The following CADM1 variants were observed in gnomAD, a reference collection of about 807,000 sequenced individuals.
CADM1 encodes cell adhesion molecule 1.
CADM1 carries 15 observed loss-of-function variants against 53.1 expected under a neutral mutation model. That is an observed-to-expected ratio of 0.28 (90% CI 0.19 to 0.44). The LOEUF is 0.44. Ranked by LOEUF, CADM1 falls within the 20% of genes least tolerant of loss-of-function variation. CADM1 has a pLI of 1.00. For missense variants in CADM1, 434 were observed against 611.3 expected (o/e 0.71, Z 3.06); for synonymous variants, 281 against 243.0 (o/e 1.16, Z -1.45).
chr11:115,390,756 A>G (rs1946816485), intron 1 of CADM1, among the ~76,000 whole-genome samples: 3 of 152,060 alleles, frequency 2.0e-5, no homozygotes, highest in Admixed American at 2.0e-4. Context: ...TTCTAGATTA[A>G]ACAATTATTA....
chr11:115,436,223 A>T (rs925138930), intron 1 of CADM1, among the ~76,000 whole-genome samples: 1 of 152,232 alleles, frequency 6.6e-6, no homozygotes, highest in East Asian at 1.9e-4. Flanking sequence ...TAGAATGTAA[A>T]GAAGCAAAAG....
intron 1 of CADM1, among the ~76,000 whole-genome samples, chr11:115,476,905 C>G (rs1949145499): frequency 6.6e-6 from 1 of 152,124 alleles, no homozygotes; most frequent in South Asian, 2.1e-4. Flanking sequence ...TACATAACAT[C>G]CAAGCCCTTT....
At chr11:115,382,868 T>C (rs1397781780) in intron 1 of CADM1, among the ~76,000 whole-genome samples, 1 of 152,096 alleles carries the variant, frequency 6.6e-6, no homozygotes, top group African/African-American at 2.4e-5. Flanking sequence ...TAAGCTGAAT[T>C]TGCATTTGAA....
intron 9 of CADM1, among the ~76,000 whole-genome samples, chr11:115,192,793 C>T (rs1258256530): frequency 6.6e-6 from 1 of 152,144 alleles, no homozygotes; most frequent in East Asian, 1.9e-4. Flanking sequence ...CATTGATATG[C>T]AAAGGTTTCC....
At chr11:115,387,901 A>T (rs1429709412) in intron 1 of CADM1, among the ~76,000 whole-genome samples, 1 of 147,072 alleles carries the variant, frequency 6.8e-6, no homozygotes, top group Non-Finnish European at 1.5e-5. Flanking sequence ...TTTCTCCTCT[A>T]AAAAAAAAAC....
At chr11:115,207,320 T>A (rs929369952) in intron 8 of CADM1, 2 of 152,200 alleles carry the variant, frequency 1.3e-5, no homozygotes, top group African/African-American at 4.8e-5. Flanking sequence ...GAGAGTCCAG[T>A]AGCAGAGAGA....
intron 1 of CADM1, among the ~76,000 whole-genome samples, chr11:115,456,963 C>T (rs560982020): frequency 6.6e-6 from 1 of 152,252 alleles, no homozygotes; most frequent in East Asian, 1.9e-4. Context: ...ACTATCAGCT[C>T]AGTAAGGACA....
chr11:115,493,033 T>A (rs1236674805), intron 1 of CADM1, among the ~76,000 whole-genome samples: 1 of 151,944 alleles, frequency 6.6e-6, no homozygotes, highest in East Asian at 1.9e-4. Context: ...CTTAGATGTG[T>A]CCGCTGTCTA....
chr11:115,323,059 A>T (rs1235094955), intron 1 of CADM1, among the ~76,000 whole-genome samples: 1 of 152,154 alleles, frequency 6.6e-6, no homozygotes, highest in Non-Finnish European at 1.5e-5. Context: ...CTAGCAACAT[A>T]TAAGAGCTCC....
At chr11:115,470,625 C>CATAT (rs148892432) in intron 1 of CADM1, among the ~76,000 whole-genome samples, 1 of 151,788 alleles carries the variant, frequency 6.6e-6, no homozygotes, top group African/African-American at 2.4e-5. Context: ...CATGAAATGC[C>CATAT]ATATATATAT....
intron 1 of CADM1, among the ~76,000 whole-genome samples, chr11:115,373,606 A>AAAG (rs1156302687): frequency 6.0e-4 from 72 of 119,156 alleles, no homozygotes; most frequent in African/African-American, 1.8e-3. Flanking sequence ...AAAAAAAAAA[A>AAAG]AAGAAGAAGA....
intron 1 of CADM1, among the ~76,000 whole-genome samples, chr11:115,297,393 T>G (rs151054087): frequency 6.6e-6 from 1 of 152,182 alleles, no homozygotes; most frequent in Admixed American, 6.5e-5. Context: ...CTTTGATCAT[T>G]AGAGATACTG....
chr11:115,452,193 AAG>A (rs751167920), intron 1 of CADM1, among the ~76,000 whole-genome samples: 1 of 151,868 alleles, frequency 6.6e-6, no homozygotes, highest in Non-Finnish European at 1.5e-5. Flanking sequence ...ATCATCCACA[AAG>A]ACAAGCTCAC....
At chr11:115,209,954 T>G (rs1312226672) in intron 7 of CADM1, among the ~76,000 whole-genome samples, 1 of 152,164 alleles carries the variant, frequency 6.6e-6, no homozygotes. Context: ...CCTACCAGAT[T>G]TCAAAGGTGA....
At chr11:115,414,506 A>T (rs1169388567) in intron 1 of CADM1, among the ~76,000 whole-genome samples, 1 of 151,458 alleles carries the variant, frequency 6.6e-6, no homozygotes, top group African/African-American at 2.4e-5. Context: ...TGCAACTCTT[A>T]AAAAAAAATA....
intron 1 of CADM1, among the ~76,000 whole-genome samples, chr11:115,254,350 ATT>A (rs1323398355): frequency 6.6e-6 from 1 of 152,160 alleles, no homozygotes; most frequent in East Asian, 1.9e-4. Flanking sequence ...ACTAAATATA[ATT>A]TTGAATTAAA....
intron 1 of CADM1, among the ~76,000 whole-genome samples, chr11:115,305,911 A>AG (rs902886993): frequency 6.6e-6 from 1 of 151,372 alleles, no homozygotes; most frequent in Non-Finnish European, 1.5e-5. Flanking sequence ...AAAAAAAAAA[A>AG]AAAAAAAAAA....
At chr11:115,250,201 C>G (rs1444625905) in intron 1 of CADM1, among the ~76,000 whole-genome samples, 4 of 152,208 alleles carry the variant, frequency 2.6e-5, no homozygotes, top group South Asian at 2.1e-4. Context: ...CTGTGCCCAC[C>G]CTTACCAGTT....
intron 1 of CADM1, among the ~76,000 whole-genome samples, chr11:115,406,979 T>C (rs148972877): frequency 2.0e-3 from 307 of 151,548 alleles, no homozygotes; most frequent in African/African-American, 6.9e-3. Context: ...AAAAGTGATA[T>C]ATAGTCATAA....
Sources: allele counts gnomAD v4.1 joint callset (sites outside exome capture counted in the v4.1 genomes callset), GRCh38; gene constraint gnomAD v4.1.1; transcripts MANE v1.5; gene names NCBI Gene and HGNC (gene_info 2026-07-23, HGNC 2026-07-21).